The following CTNND2 variants were observed in gnomAD, a reference collection of about 807,000 sequenced individuals.
The protein encoded by CTNND2 is catenin delta 2.
In CTNND2, 22 loss-of-function variants were observed where a neutral mutation model predicts 144.4. That is an observed-to-expected ratio of 0.15 (90% CI 0.11 to 0.22). The LOEUF (loss-of-function observed/expected upper bound fraction) is 0.22. Among genes scored for constraint, CTNND2 ranks in the 10% least tolerant of loss-of-function variants. The pLI is 1.00. For synonymous variants in CTNND2, 751 were observed against 695.6 expected (o/e 1.08, Z -1.25); for missense variants, 1,353 against 1,618.8 (o/e 0.84, Z 2.82).
intron 9 of CTNND2, among the ~76,000 whole-genome samples, chr5:11,237,452 T>C (rs1255207559): frequency 2.0e-5 from 3 of 152,216 alleles, no homozygotes; most frequent in Admixed American, 6.5e-5. Context: ...TAGCATATGA[T>C]TTTAATATAC....
chr5:11,844,329 G>C (rs1416767483), intron 1 of CTNND2, among the ~76,000 whole-genome samples: 1 of 151,864 alleles, frequency 6.6e-6, no homozygotes, highest in Non-Finnish European at 1.5e-5. Context: ...TGAGTGCATT[G>C]TAAATATCTT....
At chr5:11,421,673 A>C (rs1762377889) in intron 3 of CTNND2, among the ~76,000 whole-genome samples, 1 of 152,206 alleles carries the variant, frequency 6.6e-6, no homozygotes, top group Non-Finnish European at 1.5e-5. Context: ...CTAAGCAGCC[A>C]GACACAACCA....
rs961638432 is a variant in CTNND2 at position 11,749,218 on chromosome 5, C to T, written c.38-16946G>A. Among the ~76,000 whole-genome samples the T allele has an allele frequency of 2.0e-5, 3 of 151,966 alleles. No homozygotes were observed. The East Asian group carries it at 5.8e-4, about 29-fold the overall frequency. On this transcript the variant is annotated intron_variant, in intron 1 of 21. Transcript: ENST00000304623. The stretch of plus-strand genomic sequence containing the variant: ...TAGAGGAAACTTTGACTCAGAAATA[C>T]CCAGCTAAGTGGCTCCTAGATTCTT...
intron 3 of CTNND2, among the ~76,000 whole-genome samples, chr5:11,561,779 T>C (rs1776702261): frequency 6.6e-6 from 1 of 152,192 alleles, no homozygotes; most frequent in South Asian, 2.1e-4. Context: ...CAGTGGCTCA[T>C]GCCTGTAGTC....
intron 1 of CTNND2, among the ~76,000 whole-genome samples, chr5:11,870,464 A>C (rs960118051): frequency 1.3e-5 from 2 of 152,232 alleles, no homozygotes; most frequent in African/African-American, 2.4e-5. Flanking sequence ...CGAGCTGTAC[A>C]GTCAGCAAAC....
intron 16 of CTNND2, among the ~76,000 whole-genome samples, chr5:11,034,012 C>T (rs911192865): frequency 2.0e-5 from 3 of 152,158 alleles, no homozygotes; most frequent in Non-Finnish European, 2.9e-5. Context: ...TAAGACACTT[C>T]AGGACCTTTA....
intron 16 of CTNND2, among the ~76,000 whole-genome samples, chr5:11,026,111 G>A (rs986938705): frequency 1.3e-5 from 2 of 152,130 alleles, no homozygotes; most frequent in Non-Finnish European, 2.9e-5. Flanking sequence ...ATCACCAGGT[G>A]GAGGTTGTGG....
chr5:11,508,900 G>A (rs1326199165), intron 3 of CTNND2, among the ~76,000 whole-genome samples: 11 of 149,744 alleles, frequency 7.3e-5, no homozygotes, highest in Admixed American at 6.0e-4. Context: ...AATAGAGTGA[G>A]ACTCGTTTTC....
At chr5:11,324,376 A>T (rs1303250436) in intron 9 of CTNND2, among the ~76,000 whole-genome samples, 3 of 152,228 alleles carry the variant, frequency 2.0e-5, no homozygotes, top group Non-Finnish European at 4.4e-5. Flanking sequence ...ACAGCTTTGC[A>T]TATCATTCTC....
At chr5:11,752,499 T>C (rs1419728203) in intron 1 of CTNND2, among the ~76,000 whole-genome samples, 1 of 151,884 alleles carries the variant, frequency 6.6e-6, no homozygotes, top group African/African-American at 2.4e-5. Context: ...TCTGGCTTTA[T>C]TTCTGGGCTC....
chr5:11,441,197 T>C (rs1764227836), intron 3 of CTNND2, among the ~76,000 whole-genome samples: 1 of 152,144 alleles, frequency 6.6e-6, no homozygotes, highest in Non-Finnish European at 1.5e-5. Flanking sequence ...TAGTACCAAA[T>C]ACACTCATGA....
At chr5:11,575,315 C>T (rs1777894282) in intron 2 of CTNND2, among the ~76,000 whole-genome samples, 1 of 152,202 alleles carries the variant, frequency 6.6e-6, no homozygotes, top group South Asian at 2.1e-4. Flanking sequence ...ATAATGTTTG[C>T]ATCCATATGA....
At chr5:11,290,660 C>T (rs1171987498) in intron 9 of CTNND2, among the ~76,000 whole-genome samples, 2 of 152,110 alleles carry the variant, frequency 1.3e-5, no homozygotes, top group Non-Finnish European at 2.9e-5. Context: ...TGAAAAGGTA[C>T]GTTTCATAGA....
intron 3 of CTNND2, among the ~76,000 whole-genome samples, chr5:11,421,525 T>C (rs753403040): frequency 5.3e-5 from 8 of 152,218 alleles, no homozygotes; most frequent in Non-Finnish European, 1.0e-4. Context: ...ATATGGCTTA[T>C]TGACTATGGC....
rs116065268 is a variant in CTNND2, at chr5:11,508,969, C to A, written c.287+55975G>T. On this transcript the variant is annotated intron_variant, in intron 3 of 21. Transcript: ENST00000304623. Reference sequence around the variant, plus strand: ...TTTTCAAGTCATCAAATTACAGAGCCAGTAATATTAATGTTTGTATGGAAG... The same window carrying A: ...TTTTCAAGTCATCAAATTACAGAGCAAGTAATATTAATGTTTGTATGGAAG... 6.5e-3 allele frequency among the ~76,000 whole-genome samples: 984 copies of A among 151,900 alleles called. 4 individuals are homozygous for A. The highest frequency in any genetic ancestry group is 0.019 in the African/African-American group (767 of 41,458).
chr5:11,131,088 A>T (rs1331216946), intron 12 of CTNND2, among the ~76,000 whole-genome samples: 4 of 152,222 alleles, frequency 2.6e-5, no homozygotes, highest in Non-Finnish European at 2.9e-5. Context: ...AAATTAGATT[A>T]AAAAATGAAT....
chr5:11,534,135 G>A (rs574604314), intron 3 of CTNND2, among the ~76,000 whole-genome samples: 1 of 152,224 alleles, frequency 6.6e-6, no homozygotes, highest in African/African-American at 2.4e-5. Flanking sequence ...TTTATATTTT[G>A]TAAGCCATTT....
At chr5:11,211,399 T>C (rs1037506026) in intron 10 of CTNND2, among the ~76,000 whole-genome samples, 1 of 152,226 alleles carries the variant, frequency 6.6e-6, no homozygotes, top group Non-Finnish European at 1.5e-5. Context: ...GACCATCAGC[T>C]AGGGCCACTG....
chr5:11,191,995 C>T (rs997551379), intron 11 of CTNND2, among the ~76,000 whole-genome samples: 5 of 152,182 alleles, frequency 3.3e-5, no homozygotes, highest in African/African-American at 9.7e-5. Flanking sequence ...CCAGCTCTCA[C>T]CGTGGTGTCA....
Sources: allele counts gnomAD v4.1 joint callset (sites outside exome capture counted in the v4.1 genomes callset), GRCh38; gene constraint gnomAD v4.1.1; transcripts MANE v1.5; gene names NCBI Gene and HGNC (gene_info 2026-07-23, HGNC 2026-07-21).